AGBL1: variants seen among roughly 807,000 people sequenced by gnomAD.
The protein encoded by AGBL1 is AGBL carboxypeptidase 1.
In AGBL1, 130 loss-of-function variants were observed where a neutral mutation model predicts 118.9. The observed-to-expected ratio is 1.09, with a 90% CI of 0.95 to 1.26. AGBL1 has a LOEUF of 1.26. Among genes scored for constraint, AGBL1 ranks in the 50% most tolerant of loss-of-function variants. The probability of loss-of-function intolerance (pLI) is 0.00; values close to 1 mark genes in which losing one functional copy is unlikely to be tolerated. For missense variants in AGBL1, 1,584 were observed against 1,298.1 expected, an observed-to-expected ratio of 1.22 and a Z score of -3.38; for synonymous variants, 555 against 478.9, an observed-to-expected ratio of 1.16 and a Z score of -2.08.
intron 23 of AGBL1, among the ~76,000 whole-genome samples, chr15:86,983,845 G>T (rs2081254717): frequency 6.6e-6 from 1 of 152,124 alleles, no homozygotes; most frequent in South Asian, 2.1e-4. Context: ...AGTGCTTTGA[G>T]ATTTATCCAT....
intron 21 of AGBL1, among the ~76,000 whole-genome samples, chr15:86,667,238 G>GTATCTATC (rs1317883898): frequency 1.5e-4 from 15 of 100,900 alleles, no homozygotes; most frequent in African/African-American, 4.2e-4. Flanking sequence ...ATGTATGTAT[G>GTATCTATC]TATGTATGTA....
chr15:86,604,395 T>A (rs1230102530), intron 21 of AGBL1, among the ~76,000 whole-genome samples: 1 of 152,170 alleles, frequency 6.6e-6, no homozygotes, highest in Non-Finnish European at 1.5e-5. Context: ...AAAGCTAAAT[T>A]TTCATCGAGG....
At chr15:86,544,305 ATGTT>A (rs1289641622) in intron 19 of AGBL1, among the ~76,000 whole-genome samples, 1 of 152,138 alleles carries the variant, frequency 6.6e-6, no homozygotes, top group African/African-American at 2.4e-5. Flanking sequence ...AGCCCAGCCT[ATGTT>A]TACTCACGTG....
chr15:86,346,993 G>C (rs2080548085), intron 17 of AGBL1, among the ~76,000 whole-genome samples: 1 of 152,190 alleles, frequency 6.6e-6, no homozygotes. Flanking sequence ...TCCTGGTGGA[G>C]CTTTGAGGGC....
chr15:86,181,205 G>A (rs529507908), intron 5 of AGBL1, among the ~76,000 whole-genome samples: 2 of 152,142 alleles, frequency 1.3e-5, no homozygotes, highest in East Asian at 3.9e-4. Context: ...TCCTTACAAA[G>A]ACTCATTTAC....
chr15:86,464,922 T>C (rs1368762830), intron 18 of AGBL1, among the ~76,000 whole-genome samples: 3 of 152,094 alleles, frequency 2.0e-5, no homozygotes, highest in Non-Finnish European at 2.9e-5. Flanking sequence ...TGGTAGTCTC[T>C]GTATTTCCTG....
At chr15:86,734,360 A>G (rs1014906094) in intron 22 of AGBL1, among the ~76,000 whole-genome samples, 2 of 152,184 alleles carry the variant, frequency 1.3e-5, no homozygotes, top group East Asian at 3.9e-4. Flanking sequence ...TATAGGAAGA[A>G]GTATGGCATG....
At chr15:86,237,268 A>G (rs536649601) in intron 6 of AGBL1, among the ~76,000 whole-genome samples, 1 of 152,256 alleles carries the variant, frequency 6.6e-6, no homozygotes, top group East Asian at 1.9e-4. Context: ...GTGCAGAAGC[A>G]TTTGCTATTT....
chr15:86,236,932 C>CGGGG lies in AGBL1; in HGVS notation c.527-10733_527-10730dup, dbSNP rs1261815080. ...TTCCACACACACGGGGATATGTGGGCGGGGGGGGGCGGGGGGGGGCGGGGG... is the reference window on the plus strand; with the variant it reads ...TTCCACACACACGGGGATATGTGGGCGGGGGGGGGGGGGCGGGGGGGGGCGGGGG... On this transcript the variant is annotated intron_variant, in intron 6 of 22. Coordinates refer to ENST00000614907, the MANE Select transcript of AGBL1 (RefSeq NM_001386094.1). 2.1e-4 allele frequency among the ~76,000 whole-genome samples: 2 copies of CGGGG among 9,372 alleles called. 1 individual carries two copies. The highest frequency in any genetic ancestry group is 4.4e-4 in the Non-Finnish European group (2 of 4,516). 6.1% of individuals were successfully genotyped at this position (9,372 alleles called of 152,430 possible). A position where few individuals can be genotyped will look rare whatever the true frequency, so the allele number is the denominator to read the frequency against.
intron 22 of AGBL1, among the ~76,000 whole-genome samples, chr15:86,728,132 A>C (rs1254820507): frequency 6.6e-6 from 1 of 152,192 alleles, no homozygotes; most frequent in African/African-American, 2.4e-5. Flanking sequence ...AAAGGGTCTA[A>C]CAGTCATTGA....
At chr15:86,503,329 C>CT (rs1032086104) in intron 18 of AGBL1, among the ~76,000 whole-genome samples, 29 of 151,140 alleles carry the variant, frequency 1.9e-4, no homozygotes, top group African/African-American at 6.8e-4. Context: ...TCTTTTCTTC[C>CT]TTTTTTTCCT....
At chr15:86,984,868 A>G (rs188373769) in intron 23 of AGBL1, among the ~76,000 whole-genome samples, 1 of 152,308 alleles carries the variant, frequency 6.6e-6, no homozygotes, top group Non-Finnish European at 1.5e-5. Flanking sequence ...ACTACAATAT[A>G]TACAAAATAC....
intron 18 of AGBL1, among the ~76,000 whole-genome samples, chr15:86,467,034 C>T (rs968129754): frequency 6.0e-4 from 92 of 152,334 alleles, no homozygotes; most frequent in Middle Eastern, 3.4e-3. Context: ...TCAGAACCCG[C>T]GTGCAGGAAC....
intron 3 of AGBL1, among the ~76,000 whole-genome samples, chr15:86,150,811 C>G (rs192230986): frequency 6.6e-6 from 1 of 152,048 alleles, no homozygotes; most frequent in African/African-American, 2.4e-5. Flanking sequence ...GGCAGAGACA[C>G]AACAAAAAGA....
chr15:86,864,475 A>G (rs2079599069), intron 22 of AGBL1, among the ~76,000 whole-genome samples: 1 of 152,186 alleles, frequency 6.6e-6, no homozygotes, highest in Admixed American at 6.5e-5. Context: ...CATGTCATAG[A>G]TAAGAAAATG....
At chr15:86,791,039 A>G (rs2078486314) in intron 22 of AGBL1, among the ~76,000 whole-genome samples, 1 of 152,218 alleles carries the variant, frequency 6.6e-6, no homozygotes, top group African/African-American at 2.4e-5. Context: ...CAAGTAAGAG[A>G]TAGCATTGGA....
chr15:86,552,528 G>A lies in AGBL1; in HGVS notation c.2818-1833G>A, dbSNP rs962734509. Among the ~76,000 whole-genome samples, 4 of 152,124 alleles carry A rather than the reference G, an allele frequency of 2.6e-5. No homozygotes were observed. The South Asian group carries it at 8.3e-4, about 32-fold the overall frequency. ...TATGTCTATTTGACCAGCCCCCCAG[G>A]GGTCTGGACTAGCAGATTCTATTTA... On this transcript the variant is annotated intron_variant, in intron 20 of 22. Coordinates refer to ENST00000614907, the MANE Select transcript of AGBL1 (RefSeq NM_001386094.1).
intron 19 of AGBL1, among the ~76,000 whole-genome samples, chr15:86,544,459 C>T (rs1445190629): frequency 3.9e-5 from 6 of 152,176 alleles, no homozygotes; most frequent in Admixed American, 2.6e-4. Flanking sequence ...CTAATAAAGA[C>T]ATACGTGAGA....
chr15:86,641,277 A>G (rs1286254240), intron 21 of AGBL1, among the ~76,000 whole-genome samples: 2 of 152,196 alleles, frequency 1.3e-5, no homozygotes, highest in East Asian at 1.9e-4. Flanking sequence ...ACTTATTTTT[A>G]TTGTAAAATA....
Sources: gnomAD v4.1 joint callset for allele counts (sites outside exome capture counted in the v4.1 genomes callset) on GRCh38, gnomAD v4.1.1 for gene constraint, MANE v1.5 for transcripts, NCBI Gene and HGNC (gene_info 2026-07-23, HGNC 2026-07-21) for gene names.